Variants in ADAMTSL1 observed in about 807,000 individuals in gnomAD.
ADAMTSL1 encodes the protein ADAMTS-like protein 1.
A neutral mutation model predicts 201.8 loss-of-function variants in ADAMTSL1; 126 were observed. That is an observed-to-expected ratio of 0.62 (90% confidence interval 0.54 to 0.72). The LOEUF (loss-of-function observed/expected upper bound fraction) is 0.72, where lower values mean the gene tolerates loss of function less well. Ranked by LOEUF, ADAMTSL1 falls within the 30% of genes least tolerant of loss-of-function variation. ADAMTSL1 has a pLI of 0.00. For synonymous variants in ADAMTSL1, 1,121 were observed against 903.4 expected (o/e 1.24, Z -4.32); for missense variants, 2,679 against 2,277.8 (o/e 1.18, Z -3.59).
chr9:18,332,231 T>C (rs1157143294), intron 2 of ADAMTSL1, among the ~76,000 whole-genome samples: 1 of 152,226 alleles, frequency 6.6e-6, no homozygotes, highest in African/African-American at 2.4e-5. Flanking sequence ...TTATCTTACA[T>C]AGATGTAAAC....
intron 4 of ADAMTSL1, among the ~76,000 whole-genome samples, chr9:18,603,881 A>G (rs1391528670): frequency 6.6e-6 from 1 of 152,228 alleles, no homozygotes; most frequent in Non-Finnish European, 1.5e-5. Context: ...TTAGAAATAG[A>G]TAATTGGTGC....
chr9:18,509,959 T>C (rs1817934157), intron 2 of ADAMTSL1, among the ~76,000 whole-genome samples: 1 of 152,240 alleles, frequency 6.6e-6, no homozygotes, highest in Admixed American at 6.5e-5. Context: ...AGTCACCTTA[T>C]ATACCTTCCC....
intron 2 of ADAMTSL1, among the ~76,000 whole-genome samples, chr9:18,399,597 C>T (rs1347736912): frequency 2.0e-5 from 3 of 151,574 alleles, no homozygotes; most frequent in South Asian, 2.1e-4. Context: ...GTGATCTACC[C>T]GCCTCGGCCT....
At chr9:18,113,655 T>C (rs1825124239) in intron 1 of ADAMTSL1, among the ~76,000 whole-genome samples, 1 of 152,106 alleles carries the variant, frequency 6.6e-6, no homozygotes, top group Non-Finnish European at 1.5e-5. Context: ...AGCACGTGAG[T>C]GATTTTGTTG....
chr9:18,385,248 AT>A (rs1210739441), intron 2 of ADAMTSL1, among the ~76,000 whole-genome samples: 3 of 151,878 alleles, frequency 2.0e-5, no homozygotes, highest in African/African-American at 7.3e-5. Flanking sequence ...CTTTGCCTGC[AT>A]TTCTTGGACT....
chr9:18,478,411 C>G (rs1821567055), intron 1 of ADAMTSL1, among the ~76,000 whole-genome samples: 2 of 152,096 alleles, frequency 1.3e-5, no homozygotes, highest in African/African-American at 4.8e-5. Context: ...TTTCCCGAAG[C>G]ACCTAGTAGA....
At chr9:18,392,026 A>G (rs1016398767) in intron 2 of ADAMTSL1, among the ~76,000 whole-genome samples, 5 of 151,600 alleles carry the variant, frequency 3.3e-5, no homozygotes, top group Non-Finnish European at 7.4e-5. Context: ...GGGTTTCACC[A>G]TGTTAGCCAG....
At chr9:18,082,755 A>G (rs973724348) in intron 1 of ADAMTSL1, among the ~76,000 whole-genome samples, 2 of 152,218 alleles carry the variant, frequency 1.3e-5, no homozygotes, top group South Asian at 2.1e-4. Context: ...TGCAGGAGAA[A>G]GAGAAGCTGA....
At chr9:17,947,054 G>T (rs1401284169) in intron 1 of ADAMTSL1, among the ~76,000 whole-genome samples, 3 of 151,916 alleles carry the variant, frequency 2.0e-5, no homozygotes. Flanking sequence ...GCCTGGCAGA[G>T]GCATGTAAAA....
chr9:18,326,669 A>G (rs897372262), intron 2 of ADAMTSL1, among the ~76,000 whole-genome samples: 6 of 152,208 alleles, frequency 3.9e-5, no homozygotes, highest in African/African-American at 9.6e-5. Flanking sequence ...ATTTTCACAC[A>G]TTGGCCTTGC....
At chr9:18,417,757 C>A (rs918303436) in intron 2 of ADAMTSL1, among the ~76,000 whole-genome samples, 5 of 152,102 alleles carry the variant, frequency 3.3e-5, no homozygotes, top group African/African-American at 1.2e-4. Flanking sequence ...AAGGAACCTC[C>A]AGACCCAAAT....
At chr9:18,514,752 T>A (rs117208540) in intron 2 of ADAMTSL1, among the ~76,000 whole-genome samples, 1 of 152,360 alleles carries the variant, frequency 6.6e-6, no homozygotes, top group East Asian at 1.9e-4. Flanking sequence ...ATAATTTAAC[T>A]TCTTCCTTTC....
chr9:18,003,595 T>G (rs1819697731), intron 1 of ADAMTSL1, among the ~76,000 whole-genome samples: 1 of 152,096 alleles, frequency 6.6e-6, no homozygotes, highest in Admixed American at 6.6e-5. Flanking sequence ...GGATGCTTGA[T>G]GATAAAAGTC....
chr9:17,999,251 C>T (rs892898835), intron 1 of ADAMTSL1, among the ~76,000 whole-genome samples: 37 of 151,912 alleles, frequency 2.4e-4, no homozygotes, highest in African/African-American at 6.3e-4. Flanking sequence ...GTCTAAAATA[C>T]GGATTATAGC....
intron 23 of ADAMTSL1, among the ~76,000 whole-genome samples, chr9:18,846,734 T>C (rs1001342393): frequency 2.0e-5 from 3 of 152,160 alleles, no homozygotes; most frequent in Non-Finnish European, 4.4e-5. Context: ...TAGATTACTG[T>C]GGCATAAAGT....
intron 1 of ADAMTSL1, among the ~76,000 whole-genome samples, chr9:18,002,289 A>T (rs1819644529): frequency 6.6e-6 from 1 of 152,004 alleles, no homozygotes; most frequent in Admixed American, 6.6e-5. Flanking sequence ...GAAGACTAAA[A>T]ATACCTTGGA....
At chr9:18,184,739 G>A (rs1217541718) in intron 2 of ADAMTSL1, among the ~76,000 whole-genome samples, 1 of 152,186 alleles carries the variant, frequency 6.6e-6, no homozygotes, top group African/African-American at 2.4e-5. Flanking sequence ...AAAAAAATAT[G>A]AGGCAGCAAT....
intron 15 of ADAMTSL1, 144 bp downstream of exon 15, chr9:18,721,809 CT>C: frequency 1.5e-6 from 2 of 1,323,214 alleles, no homozygotes; most frequent in Non-Finnish European, 2.0e-6. Context: ...GTCAAATCCA[CT>C]TAAGTTTAAT....
At chr9:18,306,354 G>C (rs1258296004) in intron 2 of ADAMTSL1, among the ~76,000 whole-genome samples, 1 of 152,160 alleles carries the variant, frequency 6.6e-6, no homozygotes, top group East Asian at 1.9e-4. Flanking sequence ...TTGACGAATT[G>C]ACAGAAATAG....
Sources: gnomAD v4.1 joint callset for allele counts (sites outside exome capture counted in the v4.1 genomes callset) on GRCh38, gnomAD v4.1.1 for gene constraint, MANE v1.5 for transcripts, NCBI Gene and HGNC (gene_info 2026-07-23, HGNC 2026-07-21) for gene names.